SH3D21: variants seen among roughly 807,000 people sequenced by gnomAD.
SH3D21 encodes manchette microtubule inner protein 1, also known as SH3 domain-containing protein 21.
A neutral mutation model predicts 82.1 loss-of-function variants in SH3D21; 83 were observed. That is an observed-to-expected ratio of 1.01 (90% CI 0.85 to 1.21). The LOEUF (loss-of-function observed/expected upper bound fraction) is 1.21, where lower values mean the gene tolerates loss of function less well. Among genes scored for constraint, SH3D21 ranks in the 50% most tolerant of loss-of-function variants. The pLI is 0.00. For synonymous variants in SH3D21, 383 were observed against 387.8 expected, an observed-to-expected ratio of 0.99 and a Z score of 0.15; for missense variants, 980 against 962.1, an observed-to-expected ratio of 1.02 and a Z score of -0.25.
intron 9 of SH3D21, 110 bp from the exon 10 acceptor site, chr1:36,309,438 C>G: frequency 8.1e-7 from 1 of 1,235,532 alleles, no homozygotes; most frequent in Admixed American, 2.3e-5. Flanking sequence ...CTCAAGTGAT[C>G]CACTCCCAAA....
intron 10 of SH3D21, among the ~76,000 whole-genome samples, chr1:36,316,878 C>G (rs1646354462): frequency 6.6e-6 from 1 of 151,434 alleles, no homozygotes; most frequent in Non-Finnish European, 1.5e-5. Flanking sequence ...ATTCTCCTGC[C>G]TCAGCCCCCC....
chr1:36,307,485 C>A lies in SH3D21; in HGVS notation c.346-32C>A. On this transcript the variant is annotated intron_variant, in intron 4 of 15. Transcript: ENST00000453908. The surrounding 1 kb of genome is among the most constrained non-coding windows in gnomAD (Gnocchi z 5.4). Reference sequence around the variant, plus strand: ...TATCCTAGGGACTCTTGGGGCAGAACCAGACGCCTCTGCGTCCTCCCCTCT... The same window carrying A: ...TATCCTAGGGACTCTTGGGGCAGAAACAGACGCCTCTGCGTCCTCCCCTCT... 1 of 1,548,344 alleles carries A rather than the reference C, an allele frequency of 6.5e-7. No homozygotes were observed.
rs1388311830 is a variant in SH3D21 at position 36,306,825 on chromosome 1, C to T, written c.163-17C>T. 3.1e-6 allele frequency: 4 copies of T among 1,295,354 alleles called. No homozygotes were observed. The highest frequency in any genetic ancestry group is 1.5e-5 in the African/African-American group (1 of 64,960). The allele number at this position is 1,295,354 out of a possible 1,614,324, so 80.2% of individuals were successfully genotyped here. ...CCCCGGGAGCTGAGAGCGCCTTCCC[C>T]GTGCCCTGATTCCCAGGAGATCCCA... On this transcript the variant is annotated splice_polypyrimidine_tract_variant and intron_variant, in intron 2 of 15. Transcript: ENST00000453908. This position sits in a 1 kb window ranked among gnomAD's most constrained non-coding sequence, Gnocchi z 4.5.
chr1:36,306,985 A>C lies in SH3D21; in HGVS notation c.226+80A>C. The stretch of plus-strand genomic sequence containing the variant: ...ACCCCGGCGTCTCCGGCTCTTAGTG[A>C]CGGGCGCGGCTCTGGGCGGGACCTC... On this transcript the variant is annotated intron_variant, in intron 3 of 15. Coordinates refer to ENST00000453908, the MANE Select transcript of SH3D21 (RefSeq NM_001162530.2). The surrounding 1 kb of genome is among the most constrained non-coding windows in gnomAD (Gnocchi z 4.5). 4 of 1,378,236 alleles carry C rather than the reference A, an allele frequency of 2.9e-6. No individual in the cohort carries two copies. The highest frequency in any genetic ancestry group is 3.8e-6 in the Non-Finnish European group (4 of 1,059,382). 85.4% of individuals were successfully genotyped at this position (1,378,236 alleles called of 1,614,324 possible).
In SH3D21 at chr1:36,307,357, A is replaced by G; in HGVS notation, c.345+72A>G. ...CGCCTCCCTAGTGAGCGGGGTGGGAAGTGAGGGTGTGGACGGTGGGAATGG... is the reference window on the plus strand; with the variant it reads ...CGCCTCCCTAGTGAGCGGGGTGGGAGGTGAGGGTGTGGACGGTGGGAATGG... On this transcript the variant is annotated intron_variant, in intron 4 of 15. Transcript: ENST00000453908. The surrounding 1 kb of genome is among the most constrained non-coding windows in gnomAD (Gnocchi z 5.4). The G allele has an allele frequency of 6.5e-7, 1 of 1,539,632 alleles. No individual in the cohort carries two copies. Among genetic ancestry groups the G allele is most frequent in the Non-Finnish European group, 8.8e-7 (1 of 1,137,690 alleles).
rs374729700 is a variant in SH3D21 at position 36,310,477 on chromosome 1, G to A, written c.769+887G>A. 5.3e-5 allele frequency among the ~76,000 whole-genome samples: 8 copies of A among 152,072 alleles called. No homozygotes were observed. The East Asian group carries it at 7.7e-4, about 15-fold the overall frequency. ...ATAAAAATACAAAAATTAGCCAGGC[G>A]TGGTAGGCATGCCTGTAATCCCAGC... On this transcript the variant is annotated intron_variant, in intron 10 of 15. Coordinates refer to ENST00000453908, the MANE Select transcript of SH3D21 (RefSeq NM_001162530.2).
Position 36,306,981 on chromosome 1 carries a change from A to C in SH3D21, c.226+76A>C. On this transcript the variant is annotated intron_variant, in intron 3 of 15. Transcript: ENST00000453908. The surrounding 1 kb of genome is among the most constrained non-coding windows in gnomAD (Gnocchi z 4.5). ...TGCGACCCCGGCGTCTCCGGCTCTT[A>C]GTGACGGGCGCGGCTCTGGGCGGGA... 4 of 1,366,646 alleles carry C rather than the reference A, an allele frequency of 2.9e-6. No homozygotes were observed. Among genetic ancestry groups the C allele is most frequent in the South Asian group, 1.5e-5 (1 of 67,196 alleles). 84.7% of individuals were successfully genotyped at this position (1,366,646 alleles called of 1,614,324 possible). A position where few individuals can be genotyped will look rare whatever the true frequency, so the allele number is the denominator to read the frequency against.
chr1:36,314,680 T>C (rs1175596115), intron 10 of SH3D21, among the ~76,000 whole-genome samples: 1 of 152,086 alleles, frequency 6.6e-6, no homozygotes, highest in Non-Finnish European at 1.5e-5. Context: ...GGTCTTGAAC[T>C]CCTGACCTTG....
downstream of SH3D21, chr1:36,324,944 C>T (rs995283694): frequency 1.2e-4 from 19 of 152,202 alleles, no homozygotes; most frequent in Admixed American, 1.1e-3. Context: ...GTTTAACCAA[C>T]TTTGCATCAA....
downstream of SH3D21, chr1:36,328,006 A>G: frequency 1.7e-6 from 1 of 579,060 alleles, no homozygotes; most frequent in Non-Finnish European, 3.0e-6. Context: ...CCACCTGCCC[A>G]TCTCCTCCCT....
At chr1:36,325,515 T>C (rs551050635), downstream of SH3D21, among the ~76,000 whole-genome samples, 6 of 152,056 alleles carry the variant, frequency 3.9e-5, no homozygotes, top group Non-Finnish European at 7.4e-5. Context: ...GCCAATCCCC[T>C]GAGAATACTG....
chr1:36,319,011 C>T (rs2124694849), intron 10 of SH3D21, 60 bp from the exon 11 acceptor site: 2 of 1,036,108 alleles, frequency 1.9e-6, no homozygotes, highest in Admixed American at 2.0e-5. Context: ...CCCCTGCACA[C>T]AGCACAAGAC....
intron 10 of SH3D21, among the ~76,000 whole-genome samples, chr1:36,310,332 G>A (rs1646214502): frequency 6.6e-6 from 1 of 151,902 alleles, no homozygotes; most frequent in Admixed American, 6.6e-5. Flanking sequence ...AACACCCACG[G>A]GCCAGGCACA....
chr1:36,317,786 ACTC>A (rs1273158020), intron 10 of SH3D21, among the ~76,000 whole-genome samples: 1 of 151,886 alleles, frequency 6.6e-6, no homozygotes, highest in Non-Finnish European at 1.5e-5. Context: ...CTGGTCCTGA[ACTC>A]CTGACCTCAA....
At chr1:36,326,873 TAGTC>T (rs1646551366), downstream of SH3D21, among the ~76,000 whole-genome samples, 1 of 152,114 alleles carries the variant, frequency 6.6e-6, no homozygotes, top group African/African-American at 2.4e-5. Context: ...GGTTTGGGGG[TAGTC>T]AGTTTCACTG....
chr1:36,314,204 T>C (rs1002130762), intron 10 of SH3D21, among the ~76,000 whole-genome samples: 2 of 151,416 alleles, frequency 1.3e-5, no homozygotes, highest in African/African-American at 4.9e-5. Flanking sequence ...CTCGATCTCC[T>C]GACCTCGTGA....
In SH3D21 at chr1:36,307,195, A is replaced by G. The variant is rs1340011861; in HGVS notation, c.255A>G (p.Gln85=). ...RGHPAKHPRP[Q]RWCKVNFSYS... ...ATCCTGCCAAACACCCGAGGCCCCA[A>G]AGATGGTGCAAAGTGAACTTCAGCT... Residue 85 remains glutamine (Q), a synonymous_variant, in exon 4 of 16, where the codon CAA becomes CAG. Coordinates refer to ENST00000453908, the MANE Select transcript of SH3D21 (RefSeq NM_001162530.2). The surrounding 1 kb of genome is among the most constrained non-coding windows in gnomAD (Gnocchi z 5.4). The G allele has an allele frequency of 1.2e-5, 18 of 1,551,740 alleles. No homozygotes were observed. The highest frequency in any genetic ancestry group is 9.8e-5 in the East Asian group (4 of 40,922).
rs1338685911 is a variant in SH3D21 at position 36,320,762 on chromosome 1, T to G, written c.2099T>G (p.Leu700Arg). ...TCGCTGAGGGGCGAGGTGGAGTCTC[T>G]AAGGAGGGCGCTGGAGCTGATGGAG... ...VTSLRGEVESLRRALELMEVQ... is the reference protein window; with the variant it reads ...VTSLRGEVESRRRALELMEVQ... Residue 700 changes from leucine to arginine, a missense_variant, in exon 14 of 16, where the codon CTA becomes CGA. By Grantham distance (102) the Leu-to-Arg change is moderately radical (BLOSUM62 -2). Transcript: ENST00000453908. 2 of 1,590,858 alleles carry G rather than the reference T, an allele frequency of 1.3e-6. No homozygotes were observed. The highest frequency in any genetic ancestry group is 1.8e-5 in the Admixed American group (1 of 55,276).
chr1:36,323,329 T>G, downstream of SH3D21: 1 of 374,678 alleles, frequency 2.7e-6, no homozygotes, highest in Non-Finnish European at 4.8e-6. Context: ...GGTTCCGCCG[T>G]CCCGGGGCGG....
Sources: allele counts gnomAD v4.1 joint callset (sites outside exome capture counted in the v4.1 genomes callset), GRCh38; gene constraint gnomAD v4.1.1; non-coding constraint Gnocchi (gnomAD v3.1); transcripts MANE v1.5; gene names NCBI Gene and HGNC (gene_info 2026-07-23, HGNC 2026-07-21).